ARHGAP24: variants seen among roughly 807,000 people sequenced by gnomAD.
ARHGAP24 encodes the protein Rho GTPase activating protein 24.
Under a neutral mutation model 76.4 loss-of-function variants are expected in ARHGAP24, and 50 were observed. That is an observed-to-expected ratio of 0.65 (90% CI 0.52 to 0.83). The LOEUF (loss-of-function observed/expected upper bound fraction) is 0.83, where lower values mean the gene tolerates loss of function less well. ARHGAP24 is among the 40% of genes least tolerant of loss of function. The pLI, the probability that ARHGAP24 is intolerant of heterozygous loss-of-function variation, is 0.00. For synonymous variants in ARHGAP24, 345 were observed against 323.3 expected, an observed-to-expected ratio of 1.07 and a Z score of -0.72; for missense variants, 930 against 914.2, an observed-to-expected ratio of 1.02 and a Z score of -0.22.
chr4:85,986,657 G>A (rs1740019393), intron 8 of ARHGAP24, among the ~76,000 whole-genome samples: 1 of 152,144 alleles, frequency 6.6e-6, no homozygotes, highest in Admixed American at 6.6e-5. Flanking sequence ...ACTAGACATA[G>A]AGCGTCCAGA....
chr4:85,932,345 T>C (rs1427808566), intron 4 of ARHGAP24, among the ~76,000 whole-genome samples: 7 of 152,148 alleles, frequency 4.6e-5, no homozygotes, highest in East Asian at 1.9e-4. Flanking sequence ...AGAAACTAAA[T>C]TGGTTCTATG....
intron 2 of ARHGAP24, among the ~76,000 whole-genome samples, chr4:85,670,048 G>A (rs944159082): frequency 6.6e-6 from 1 of 151,884 alleles, no homozygotes; most frequent in African/African-American, 2.4e-5. Context: ...TATTCAGTTG[G>A]AATGGGGTGG....
intron 3 of ARHGAP24, among the ~76,000 whole-genome samples, chr4:85,832,519 A>C (rs1730045350): frequency 6.6e-6 from 1 of 152,156 alleles, no homozygotes; most frequent in South Asian, 2.1e-4. Flanking sequence ...AGATTAACAC[A>C]CCAAACAGGA....
intron 5 of ARHGAP24, among the ~76,000 whole-genome samples, chr4:85,968,608 G>A (rs118138881): frequency 1.3e-5 from 2 of 152,180 alleles, no homozygotes; most frequent in East Asian, 3.9e-4. Flanking sequence ...TCAGAGAAAC[G>A]CCAGACTTCC....
chr4:85,764,643 T>C (rs530700315), intron 3 of ARHGAP24, among the ~76,000 whole-genome samples: 16 of 152,204 alleles, frequency 1.1e-4, no homozygotes, highest in Admixed American at 6.5e-4. Flanking sequence ...TGTTTTTTTT[T>C]ACCAGCAGTG....
chr4:85,585,577 G>T (rs1214295371), intron 2 of ARHGAP24, among the ~76,000 whole-genome samples: 1 of 152,208 alleles, frequency 6.6e-6, no homozygotes, highest in Non-Finnish European at 1.5e-5. Context: ...TTGATGTGAT[G>T]ATGTTGAAGA....
At chr4:85,602,563 A>G (rs1181898835) in intron 2 of ARHGAP24, among the ~76,000 whole-genome samples, 1 of 152,210 alleles carries the variant, frequency 6.6e-6, no homozygotes, top group Non-Finnish European at 1.5e-5. Context: ...ACCTATTGCA[A>G]TACCACCTTT....
At chr4:85,604,881 T>G (rs973392316) in intron 2 of ARHGAP24, among the ~76,000 whole-genome samples, 3 of 148,132 alleles carry the variant, frequency 2.0e-5, no homozygotes, top group African/African-American at 7.5e-5. Context: ...CCCAGCTAAT[T>G]TTTTGTATTT....
intron 2 of ARHGAP24, among the ~76,000 whole-genome samples, chr4:85,621,156 A>G (rs1720703279): frequency 6.6e-6 from 1 of 152,088 alleles, no homozygotes. Context: ...TATATACCAC[A>G]TATTCTTCAT....
At chr4:85,726,417 G>A (rs762462630) in intron 3 of ARHGAP24, among the ~76,000 whole-genome samples, 8 of 152,166 alleles carry the variant, frequency 5.3e-5, no homozygotes, top group East Asian at 1.9e-4. Context: ...AGCAGGATGC[G>A]ACAGGAACAC....
Position 85,760,161 on chromosome 4 carries a change from T to C in ARHGAP24, c.268+38189T>C, listed in dbSNP as rs182570236. 1.5e-3 allele frequency among the ~76,000 whole-genome samples: 225 copies of C among 152,312 alleles called. 3 individuals are homozygous for C. The highest frequency in any genetic ancestry group is 6.8e-3 in the Middle Eastern group (2 of 294). ...AAAGTTATTTCAATGAGACATCTGA[T>C]TTTAATCCCAAGTAATAAAAAACAA... On this transcript the variant is annotated intron_variant, in intron 3 of 9. Coordinates refer to ENST00000395184, the MANE Select transcript of ARHGAP24 (RefSeq NM_001025616.3).
At chr4:85,581,810 AT>A (rs1006608741) in intron 2 of ARHGAP24, among the ~76,000 whole-genome samples, 1 of 151,932 alleles carries the variant, frequency 6.6e-6, no homozygotes, top group African/African-American at 2.4e-5. Context: ...CTACCTGTCA[AT>A]TTCTGTTTTA....
chr4:85,733,842 C>G (rs1725506862), intron 3 of ARHGAP24, among the ~76,000 whole-genome samples: 1 of 152,196 alleles, frequency 6.6e-6, no homozygotes, highest in Non-Finnish European at 1.5e-5. Flanking sequence ...TTTAAAGACC[C>G]TGTCTCCAAA....
chr4:85,612,418 T>C (rs1283772522), intron 2 of ARHGAP24, among the ~76,000 whole-genome samples: 1 of 89,114 alleles, frequency 1.1e-5, no homozygotes, highest in Non-Finnish European at 2.7e-5. Flanking sequence ...CACTCCAGCC[T>C]GGGCAACAGA....
intron 3 of ARHGAP24, among the ~76,000 whole-genome samples, chr4:85,781,647 A>G (rs1266520481): frequency 6.6e-6 from 1 of 152,168 alleles, no homozygotes; most frequent in Non-Finnish European, 1.5e-5. Flanking sequence ...GGTGTATATG[A>G]CAAACTTTTC....
In ARHGAP24 at chr4:85,948,354, G is replaced by T. The variant is rs1223452908; in HGVS notation, c.599+6081G>T. ...ACAGTGAACTTCATGAGACAATAAT[G>T]AGTTTCAGTGCCCTCTTTTAATATT... is the stretch of plus-strand genomic sequence containing the variant. On this transcript the variant is annotated intron_variant, in intron 5 of 9. Coordinates refer to ENST00000395184, the MANE Select transcript of ARHGAP24 (RefSeq NM_001025616.3). Among the ~76,000 whole-genome samples the T allele has an allele frequency of 4.6e-5, 7 of 152,122 alleles. No homozygotes were observed. The East Asian group carries it at 1.3e-3, about 29-fold the overall frequency.
chr4:85,799,994 G>T (rs1042429291), intron 3 of ARHGAP24, among the ~76,000 whole-genome samples: 1 of 152,134 alleles, frequency 6.6e-6, no homozygotes, highest in Non-Finnish European at 1.5e-5. Context: ...ACAGATTGGA[G>T]AAGACTAAAG....
chr4:85,621,641 T>A (rs1206894008), intron 2 of ARHGAP24, among the ~76,000 whole-genome samples: 3 of 152,086 alleles, frequency 2.0e-5, no homozygotes, highest in Non-Finnish European at 4.4e-5. Flanking sequence ...TTTATTTAGG[T>A]TCTTTATAGA....
chr4:85,879,220 T>A (rs1733103289), intron 3 of ARHGAP24, among the ~76,000 whole-genome samples: 1 of 152,214 alleles, frequency 6.6e-6, no homozygotes, highest in South Asian at 2.1e-4. Context: ...AAAATTGTGT[T>A]CCATGAACAT....
Sources: gnomAD v4.1 joint callset for allele counts (sites outside exome capture counted in the v4.1 genomes callset) on GRCh38, gnomAD v4.1.1 for gene constraint, MANE v1.5 for transcripts, NCBI Gene and HGNC (gene_info 2026-07-23, HGNC 2026-07-21) for gene names.